The following KIRREL3 variants were observed in gnomAD, a reference collection of about 807,000 sequenced individuals.
KIRREL3 encodes the protein kirre like nephrin family adhesion molecule 3, also known as kin of IRRE-like protein 3.
A neutral mutation model predicts 89.7 loss-of-function variants in KIRREL3; 36 were observed. The observed-to-expected ratio is 0.40, with a 90% CI of 0.31 to 0.53. The LOEUF is 0.53. Among genes scored for constraint, KIRREL3 ranks in the 20% least tolerant of loss-of-function variants. KIRREL3 has a pLI of 0.49. For synonymous variants in KIRREL3, 445 were observed against 441.4 expected (o/e 1.01, Z -0.10); for missense variants, 864 against 1,056.6 (o/e 0.82, Z 2.53).
intron 1 of KIRREL3, among the ~76,000 whole-genome samples, chr11:126,722,261 C>T (rs376102622): frequency 3.9e-5 from 6 of 152,242 alleles, no homozygotes; most frequent in Admixed American, 3.3e-4. Flanking sequence ...ACTAGCTGTT[C>T]CCTCTTCCCA....
intron 1 of KIRREL3, among the ~76,000 whole-genome samples, chr11:126,801,612 C>G (rs997264184): frequency 4.6e-5 from 7 of 152,182 alleles, no homozygotes; most frequent in African/African-American, 1.7e-4. Flanking sequence ...TGCCACTCAC[C>G]AGCTGTGGGA....
chr11:126,520,181 C>T lies in KIRREL3; in HGVS notation c.433+1134G>A, dbSNP rs936960054. On this transcript the variant is annotated intron_variant, in intron 4 of 16. Transcript: ENST00000525144. This position sits in a 1 kb window ranked among gnomAD's most constrained non-coding sequence, Gnocchi z 4.9. ...CCTGACATGCTTTTAAATATTTCAT[C>T]TCTGAGCAGCTGTGTGCTTTAGCTG... Among the ~76,000 whole-genome samples the T allele has an allele frequency of 6.6e-6, 1 of 152,216 alleles. No homozygotes were observed. Among genetic ancestry groups the T allele is most frequent in the African/African-American group, 2.4e-5 (1 of 41,454 alleles).
In KIRREL3 at chr11:126,990,118, TA is replaced by T. The variant is rs1349824875; in HGVS notation, c.55+10336del. On this transcript the variant is annotated intron_variant, in intron 1 of 16. Transcript: ENST00000525144. This position sits in a 1 kb window ranked among gnomAD's most constrained non-coding sequence, Gnocchi z 6.3. ...GCCTGGAGGCGGCTCTAGGGAGAGG[TA>T]GGGGCTCTGGGCTGGCGGTCCCCCT... is the stretch of plus-strand genomic sequence containing the variant. 4.6e-5 allele frequency among the ~76,000 whole-genome samples: 7 copies of T among 151,806 alleles called. No individual in the cohort carries two copies. Among genetic ancestry groups the T allele is most frequent in the Non-Finnish European group, 8.8e-5 (6 of 67,910 alleles).
At chr11:126,692,599 T>A (rs1290717935) in intron 1 of KIRREL3, among the ~76,000 whole-genome samples, 6 of 126,970 alleles carry the variant, frequency 4.7e-5, no homozygotes, top group Non-Finnish European at 1.7e-5. Context: ...CAAGTATTCA[T>A]CAATGATGAA....
intron 1 of KIRREL3, among the ~76,000 whole-genome samples, chr11:126,971,125 C>G (rs896018292): frequency 6.6e-6 from 1 of 152,144 alleles, no homozygotes; most frequent in Non-Finnish European, 1.5e-5. Flanking sequence ...TGGTTTTTGA[C>G]TATTTACGAG....
intron 11 of KIRREL3, chr11:126,440,208 G>A (rs527555875): frequency 1.6e-5 from 11 of 689,410 alleles, no homozygotes; most frequent in African/African-American, 1.1e-4. Flanking sequence ...GGTCAGAGCC[G>A]TTCATGTCAG....
Position 126,445,054 on chromosome 11 carries a change from C to T in KIRREL3, c.1177G>A (p.Ala393Thr), listed in dbSNP as rs201882059. The T allele has an allele frequency of 5.1e-5, 82 of 1,614,008 alleles. 2 individuals carry two copies. Among genetic ancestry groups the T allele is most frequent in the East Asian group, 3.6e-4 (16 of 44,878 alleles). The change falls in exon 10 of 17, where the codon GCG (alanine) becomes ACG (threonine). Residue 393 changes from alanine to threonine, a missense_variant. By Grantham distance (58) the Ala-to-Thr change is moderately conservative. Coordinates refer to ENST00000525144, the MANE Select transcript of KIRREL3 (RefSeq NM_032531.4). ...LTLKSVRQED[A>T]GKYVCRAVVP... ...ACAGCCCGGCACACGTACTTGCCCG[C>T]GTCCTCCTGGCGCACGGATTTGAGG...
In KIRREL3 at chr11:126,684,778, C is replaced by A. The variant is rs1246346228; in HGVS notation, c.56-121866G>T. On this transcript the variant is annotated intron_variant, in intron 1 of 16. Coordinates refer to ENST00000525144, the MANE Select transcript of KIRREL3 (RefSeq NM_032531.4). The surrounding 1 kb of genome is among the most constrained non-coding windows in gnomAD (Gnocchi z 4.2). ...TTTGGTATTCATTAGTCATTTAACA[C>A]CTCTAAAGAAAGGAAAGGTGCGGCA... Among the ~76,000 whole-genome samples, 1 of 152,146 alleles carries A rather than the reference C, an allele frequency of 6.6e-6. No individual in the cohort carries two copies. Among genetic ancestry groups the A allele is most frequent in the Non-Finnish European group, 1.5e-5 (1 of 68,020 alleles).
In KIRREL3 at chr11:126,778,198, A is replaced by T. The variant is rs1950224776; in HGVS notation, c.56-215286T>A. On this transcript the variant is annotated intron_variant, in intron 1 of 16. Transcript: ENST00000525144. This position sits in a 1 kb window ranked among gnomAD's most constrained non-coding sequence, Gnocchi z 4.5. ...AGGGTTGTATATTCATGAGATTCAC[A>T]TGCACATATTTTTTCTTTTTAATTA... 6.6e-6 allele frequency among the ~76,000 whole-genome samples: 1 copy of T among 152,202 alleles called. No individual in the cohort carries two copies. The highest frequency in any genetic ancestry group is 2.4e-5 in the African/African-American group (1 of 41,450).
chr11:126,505,848 A>G (rs1957999208), intron 4 of KIRREL3, among the ~76,000 whole-genome samples: 1 of 152,234 alleles, frequency 6.6e-6, no homozygotes, highest in South Asian at 2.1e-4. Flanking sequence ...GGATGGGAAT[A>G]CTCAATATTG....
At chr11:126,478,002 C>G (rs1957113356) in intron 4 of KIRREL3, among the ~76,000 whole-genome samples, 1 of 152,240 alleles carries the variant, frequency 6.6e-6, no homozygotes, top group Non-Finnish European at 1.5e-5. Flanking sequence ...CAGGGGCTTC[C>G]CGCTGAAGGA....
intron 1 of KIRREL3, among the ~76,000 whole-genome samples, chr11:126,585,003 C>A (rs1941752351): frequency 6.6e-6 from 1 of 151,828 alleles, no homozygotes; most frequent in Non-Finnish European, 1.5e-5. Flanking sequence ...ACTGCAAGCT[C>A]CGCCTCCCGG....
chr11:126,742,603 T>G lies in KIRREL3; in HGVS notation c.56-179691A>C, dbSNP rs1271759917. ...GAAACCAAGGTTCAGAGAGGGCAAG[T>G]GACTTGTCAAGGTCACATAGCCAGT... On this transcript the variant is annotated intron_variant, in intron 1 of 16. Transcript: ENST00000525144. This position sits in a 1 kb window ranked among gnomAD's most constrained non-coding sequence, Gnocchi z 5.3. 6.6e-6 allele frequency among the ~76,000 whole-genome samples: 1 copy of G among 152,190 alleles called. No homozygotes were observed. Among genetic ancestry groups the G allele is most frequent in the Non-Finnish European group, 1.5e-5 (1 of 68,044 alleles).
In KIRREL3 at chr11:126,668,214, C is replaced by T. The variant is rs1356934170; in HGVS notation, c.56-105302G>A. On this transcript the variant is annotated intron_variant, in intron 1 of 16. Coordinates refer to ENST00000525144, the MANE Select transcript of KIRREL3 (RefSeq NM_032531.4). The surrounding 1 kb of genome is among the most constrained non-coding windows in gnomAD (Gnocchi z 4.4). The stretch of plus-strand genomic sequence containing the variant: ...GGTGACTGGTGAGGGCTGGCTTCTT[C>T]ATAGGCAGTGCCTTCTCTCTGTGTC... Among the ~76,000 whole-genome samples the T allele has an allele frequency of 6.6e-6, 1 of 152,152 alleles. No homozygotes were observed. Among genetic ancestry groups the T allele is most frequent in the Non-Finnish European group, 1.5e-5 (1 of 68,028 alleles).
rs769515510 is a variant in KIRREL3 at position 126,437,016 on chromosome 11, G to A, written c.1354-7C>T. Reference sequence around the variant, plus strand: ...TCTCCTTCCAGGACCAGGCCTGCCCGGGGGCGCAGAATCAGGAGGAGACCC... The same window carrying A: ...TCTCCTTCCAGGACCAGGCCTGCCCAGGGGCGCAGAATCAGGAGGAGACCC... On this transcript the variant is annotated splice_polypyrimidine_tract_variant and splice_region_variant and intron_variant, in intron 11 of 16. Coordinates refer to ENST00000525144, the MANE Select transcript of KIRREL3 (RefSeq NM_032531.4). 1.5e-5 allele frequency: 23 copies of A among 1,517,102 alleles called. No individual in the cohort carries two copies. Among genetic ancestry groups the A allele is most frequent in the East Asian group, 4.8e-5 (2 of 41,714 alleles). 94.0% of individuals were successfully genotyped at this position (1,517,102 alleles called of 1,614,324 possible).
chr11:126,638,497 T>G (rs1944350010), intron 1 of KIRREL3, among the ~76,000 whole-genome samples: 1 of 152,266 alleles, frequency 6.6e-6, no homozygotes, highest in Non-Finnish European at 1.5e-5. Context: ...TCACAGAATC[T>G]GCATTAGACA....
At chr11:126,617,397 A>G (rs1943397650) in intron 1 of KIRREL3, among the ~76,000 whole-genome samples, 3 of 152,252 alleles carry the variant, frequency 2.0e-5, no homozygotes, top group African/African-American at 7.2e-5. Flanking sequence ...GGTCATGGGT[A>G]AACTGATAAT....
chr11:126,847,482 T>C (rs1944186920), intron 1 of KIRREL3, among the ~76,000 whole-genome samples: 1 of 152,102 alleles, frequency 6.6e-6, no homozygotes, highest in Non-Finnish European at 1.5e-5. Context: ...TTATAATCAA[T>C]ATAGGACCTT....
intron 1 of KIRREL3, among the ~76,000 whole-genome samples, chr11:126,699,008 T>C (rs1275539684): frequency 6.6e-6 from 1 of 152,174 alleles, no homozygotes; most frequent in African/African-American, 2.4e-5. Flanking sequence ...AAAAATCACA[T>C]CCCAGCTCTT....
Sources: gnomAD v4.1 joint callset for allele counts (sites outside exome capture counted in the v4.1 genomes callset) on GRCh38, gnomAD v4.1.1 for gene constraint, Gnocchi (gnomAD v3.1) non-coding constraint, MANE v1.5 for transcripts, NCBI Gene and HGNC (gene_info 2026-07-23, HGNC 2026-07-21) for gene names.